PINX1: variants seen among roughly 807,000 people sequenced by gnomAD.
The protein encoded by PINX1 is PIN2 (TERF1) interacting telomerase inhibitor 1.
A neutral mutation model predicts 25.4 loss-of-function variants in PINX1; 34 were observed. The ratio of observed to expected loss-of-function variants is 1.34; its 90% CI spans 1.02 to 1.78. The LOEUF is 1.78. Among genes scored for constraint, PINX1 ranks in the 40% most tolerant of loss-of-function variants. PINX1 has a pLI of 0.00. For synonymous variants in PINX1, 197 were observed against 147.7 expected, an observed-to-expected ratio of 1.33 and a Z score of -2.42; for missense variants, 592 against 404.9, an observed-to-expected ratio of 1.46 and a Z score of -3.97.
At chr8:10,835,171 T>G (rs1413422573) in intron 1 of PINX1, among the ~76,000 whole-genome samples, 5 of 152,224 alleles carry the variant, frequency 3.3e-5, no homozygotes, top group African/African-American at 1.2e-4. Flanking sequence ...CATGCGTTAC[T>G]ACATACAAAA....
At chr8:10,815,498 T>C (rs11250079) in intron 6 of PINX1, among the ~76,000 whole-genome samples, 45,837 of 152,216 alleles carry the variant, frequency 0.3, 7,143 homozygotes, top group Middle Eastern at 0.39. Context: ...TTAAGTAATT[T>C]TTTTTTGAAT....
chr8:10,770,266 G>A (rs571676734), intron 6 of PINX1, among the ~76,000 whole-genome samples: 1 of 152,306 alleles, frequency 6.6e-6, no homozygotes, highest in African/African-American at 2.4e-5. Flanking sequence ...CAATTCAGGT[G>A]GTTCATGGGC....
intron 6 of PINX1, among the ~76,000 whole-genome samples, chr8:10,797,283 A>G (rs928997486): frequency 2.0e-5 from 3 of 152,188 alleles, no homozygotes; most frequent in African/African-American, 7.2e-5. Context: ...CAGTGTTTCA[A>G]CCGCACTCTA....
intron 6 of PINX1, among the ~76,000 whole-genome samples, chr8:10,786,311 G>A (rs1801745422): frequency 6.6e-6 from 1 of 152,176 alleles, no homozygotes; most frequent in Non-Finnish European, 1.5e-5. Flanking sequence ...AAAGTGAAGA[G>A]GCCTTCCTAT....
At chr8:10,767,563 AT>A (rs1563198756) in intron 6 of PINX1, among the ~76,000 whole-genome samples, 2 of 152,250 alleles carry the variant, frequency 1.3e-5, no homozygotes, top group African/African-American at 4.8e-5. Context: ...AATAAAAAAA[AT>A]CTGCCTCAGG....
intron 6 of PINX1, among the ~76,000 whole-genome samples, chr8:10,791,572 G>A (rs907381605): frequency 2.6e-5 from 4 of 152,206 alleles, no homozygotes; most frequent in African/African-American, 9.7e-5. Context: ...TGCTTGTGAA[G>A]CTACAATTAG....
At chr8:10,819,327 A>C (rs1419321689) in intron 6 of PINX1, among the ~76,000 whole-genome samples, 1 of 152,228 alleles carries the variant, frequency 6.6e-6, no homozygotes, top group Non-Finnish European at 1.5e-5. Flanking sequence ...GCCAGGAATC[A>C]ATAAACCAAG....
At chr8:10,798,217 G>T (rs1196487623) in intron 6 of PINX1, among the ~76,000 whole-genome samples, 1 of 152,140 alleles carries the variant, frequency 6.6e-6, no homozygotes, top group Non-Finnish European at 1.5e-5. Flanking sequence ...ATGTGGCCTG[G>T]GTAATGCTTA....
chr8:10,816,699 G>A (rs1797708162), intron 6 of PINX1, among the ~76,000 whole-genome samples: 1 of 152,224 alleles, frequency 6.6e-6, no homozygotes, highest in Non-Finnish European at 1.5e-5. Flanking sequence ...TGTCTCTGGT[G>A]AAGCTCAACA....
At chr8:10,780,470 G>GT (rs924516359) in intron 6 of PINX1, among the ~76,000 whole-genome samples, 3 of 152,148 alleles carry the variant, frequency 2.0e-5, no homozygotes, top group Non-Finnish European at 2.9e-5. Context: ...TGATCACGTG[G>GT]TTTTGTCTTT....
rs758512831 is a variant in PINX1 at position 10,765,381 on chromosome 8, A to G, written c.*20T>C. ...GTGCCCTGACAGCTGAGTGGTCGGAAGGCCCCGGCTGGGAAGGATTCATTT... is the reference window on the plus strand; with the variant it reads ...GTGCCCTGACAGCTGAGTGGTCGGAGGGCCCCGGCTGGGAAGGATTCATTT... On this transcript the variant is annotated 3_prime_UTR_variant, in exon 7 of 7. Transcript: ENST00000314787. 2.6e-6 allele frequency: 4 copies of G among 1,566,694 alleles called. No individual in the cohort carries two copies. The highest frequency in any genetic ancestry group is 1.7e-6 in the Non-Finnish European group (2 of 1,161,930).
intron 6 of PINX1, 84 bp from the exon 7 acceptor site, chr8:10,766,000 C>A (rs17773826): frequency 0.046 from 63,788 of 1,375,896 alleles, 1,742 homozygotes; most frequent in South Asian, 0.073. Context: ...ACACCCGGCG[C>A]TCACACCTGG....
chr8:10,803,276 C>T (rs377096342), intron 6 of PINX1, among the ~76,000 whole-genome samples: 1 of 152,154 alleles, frequency 6.6e-6, no homozygotes, highest in Non-Finnish European at 1.5e-5. Flanking sequence ...CTAAAAAGTA[C>T]GGAAATTTCC....
rs184547459 is a variant in PINX1 at position 10,802,853 on chromosome 8, T to G, written c.471+17340A>C. Among the ~76,000 whole-genome samples the G allele has an allele frequency of 9.8e-4, 150 of 152,320 alleles. 1 individual carries two copies. The highest frequency in any genetic ancestry group is 3.4e-3 in the African/African-American group (140 of 41,568). ...GACAACTATCTTTCTTCTCTTTGTT[T>G]GCTTCCAGCCCTGACTTCTACTAAT... On this transcript the variant is annotated intron_variant, in intron 6 of 6. Coordinates refer to ENST00000314787, the MANE Select transcript of PINX1 (RefSeq NM_017884.6).
chr8:10,779,630 G>A (rs1801519830), intron 6 of PINX1, among the ~76,000 whole-genome samples: 1 of 152,132 alleles, frequency 6.6e-6, no homozygotes, highest in East Asian at 1.9e-4. Context: ...AATGAGTACT[G>A]TGATATTTTA....
chr8:10,829,402 A>G (rs1435320129), intron 4 of PINX1, among the ~76,000 whole-genome samples: 1 of 151,996 alleles, frequency 6.6e-6, no homozygotes, highest in Non-Finnish European at 1.5e-5. Flanking sequence ...TAGATTTGCC[A>G]GCCACACTAT....
chr8:10,832,297 C>G (rs568381035), intron 3 of PINX1, among the ~76,000 whole-genome samples: 1 of 152,100 alleles, frequency 6.6e-6, no homozygotes, highest in Non-Finnish European at 1.5e-5. Context: ...AAAAAATGAA[C>G]CTGGCTTTTA....
At chr8:10,839,208 G>T (rs1012696703) in intron 1 of PINX1, among the ~76,000 whole-genome samples, 6 of 152,130 alleles carry the variant, frequency 3.9e-5, no homozygotes, top group Non-Finnish European at 4.4e-5. Flanking sequence ...GGTCAAAAAC[G>T]CCAGTCTCAC....
rs1334974568 is a variant in PINX1, at chr8:10,834,623, T to C, written c.129+43A>G. 1.9e-6 allele frequency: 3 copies of C among 1,600,254 alleles called. No individual in the cohort carries two copies. In the East Asian group the frequency reaches 6.7e-5, roughly 36 times the overall value. ...GGAAGTTTTCCCCTAATTTCTAATCTCTTTTCATAGCTCAGATTTTTTTCC... is the reference window on the plus strand; with the variant it reads ...GGAAGTTTTCCCCTAATTTCTAATCCCTTTTCATAGCTCAGATTTTTTTCC... On this transcript the variant is annotated intron_variant, in intron 2 of 6. Transcript: ENST00000314787.
Sources: allele counts gnomAD v4.1 joint callset (sites outside exome capture counted in the v4.1 genomes callset), GRCh38; gene constraint gnomAD v4.1.1; transcripts MANE v1.5; gene names NCBI Gene and HGNC (gene_info 2026-07-23, HGNC 2026-07-21).